The following ILDR1 variants were observed in gnomAD, a reference collection of about 807,000 sequenced individuals.
ILDR1 encodes the protein immunoglobulin-like domain-containing receptor 1.
A neutral mutation model predicts 62.4 loss-of-function variants in ILDR1; 56 were observed. The observed-to-expected ratio is 0.90, with a 90% CI of 0.72 to 1.12. ILDR1 has a LOEUF of 1.12. Among genes scored for constraint, ILDR1 ranks in the 50% most tolerant of loss-of-function variants. The pLI is 0.00. For missense variants in ILDR1, 736 were observed against 710.6 expected, an observed-to-expected ratio of 1.04 and a Z score of -0.41; for synonymous variants, 284 against 277.8, an observed-to-expected ratio of 1.02 and a Z score of -0.22.
the ILDR1 span, among the ~76,000 whole-genome samples, chr3:122,059,129 C>T: frequency 6.6e-6 from 1 of 152,012 alleles, no homozygotes; most frequent in Admixed American, 6.6e-5. Flanking sequence ...GATGTCCAAG[C>T]AGACAAGTAG....
chr3:122,042,885 A>G, the ILDR1 span, among the ~76,000 whole-genome samples: 19 of 151,630 alleles, frequency 1.3e-4, no homozygotes, highest in Non-Finnish European at 2.5e-4. Context: ...CTCTGATGGT[A>G]TTTTCTTTTG....
rs759223170 is a variant in ILDR1, at chr3:121,988,197, T to C, written c.*170A>G. 1.5e-5 allele frequency: 10 copies of C among 689,650 alleles called. No individual in the cohort carries two copies. The East Asian group carries it at 2.5e-4, about 17-fold the overall frequency. 42.7% of individuals were successfully genotyped at this position (689,650 alleles called of 1,614,324 possible). ...CTGTGATTACAGGTGTGAGCCACTA[T>C]ACCCAATCTCAAACTCTTGTATTTA... On this transcript the variant is annotated 3_prime_UTR_variant, in exon 8 of 8. Coordinates refer to ENST00000344209, the MANE Select transcript of ILDR1 (RefSeq NM_001199799.2).
At chr3:122,004,809 G>A (rs553800708) in intron 3 of ILDR1, among the ~76,000 whole-genome samples, 1 of 152,248 alleles carries the variant, frequency 6.6e-6, no homozygotes, top group African/African-American at 2.4e-5. Flanking sequence ...GAGGACAGTG[G>A]TCTCAAGGTG....
chr3:122,005,426 C>T (rs767855506), intron 2 of ILDR1, 33 bp from the exon 3 acceptor site: 1 of 1,612,722 alleles, frequency 6.2e-7, no homozygotes, highest in Admixed American at 1.7e-5. Context: ...AGTCACACAG[C>T]AATAGGGGGT....
chr3:122,058,929 G>T, the ILDR1 span, among the ~76,000 whole-genome samples: 82 of 152,182 alleles, frequency 5.4e-4, no homozygotes, highest in Non-Finnish European at 9.4e-4. Flanking sequence ...CACCAGAATT[G>T]ACAGAATTTG....
At chr3:122,019,052 G>A (rs72965406) in intron 1 of ILDR1, among the ~76,000 whole-genome samples, 5,036 of 151,386 alleles carry the variant, frequency 0.033, 264 homozygotes, top group African/African-American at 0.12. Flanking sequence ...ACACCACACT[G>A]TGATGTTAAA....
At position 122,001,288 on chromosome 3, in the gene ILDR1, G is replaced by T; in HGVS notation, c.646+20C>A. 1.2e-6 allele frequency: 2 copies of T among 1,614,016 alleles called. No individual in the cohort carries two copies. The highest frequency in any genetic ancestry group is 1.7e-6 in the Non-Finnish European group (2 of 1,179,960). On this transcript the variant is annotated intron_variant, in intron 5 of 7. Transcript: ENST00000344209. The stretch of plus-strand genomic sequence containing the variant: ...GGTCCCTAATCCACTCCATTCCACT[G>T]CTTGTCTGTCCCCTCTCACCTTCCT...
the ILDR1 span, among the ~76,000 whole-genome samples, chr3:122,041,617 T>C: frequency 6.6e-6 from 1 of 152,198 alleles, no homozygotes; most frequent in African/African-American, 2.4e-5. Flanking sequence ...ATATAGGTCT[T>C]TTACCTTTTT....
intron 7 of ILDR1, among the ~76,000 whole-genome samples, chr3:121,991,094 C>G (rs145120814): frequency 2.2e-4 from 34 of 152,078 alleles, no homozygotes; most frequent in African/African-American, 7.7e-4. Context: ...CAGCTAATCA[C>G]GAGGCTGAGG....
the ILDR1 span, among the ~76,000 whole-genome samples, chr3:122,046,959 T>C: frequency 6.9e-6 from 1 of 144,568 alleles, no homozygotes; most frequent in Admixed American, 6.9e-5. Flanking sequence ...CCGTTGCTGG[T>C]GAGGAACTGC....
chr3:122,028,617 A>C, the ILDR1 span, among the ~76,000 whole-genome samples: 1 of 152,246 alleles, frequency 6.6e-6, no homozygotes, highest in Non-Finnish European at 1.5e-5. Context: ...CCCTCTGCTA[A>C]GGCAGATAAA....
the ILDR1 span, among the ~76,000 whole-genome samples, chr3:122,051,662 G>A: frequency 2.0e-5 from 3 of 151,628 alleles, no homozygotes; most frequent in Non-Finnish European, 2.9e-5. Flanking sequence ...ACCATTTCCC[G>A]TTTCTTCATA....
chr3:122,030,142 T>C, the ILDR1 span, among the ~76,000 whole-genome samples: 1 of 152,224 alleles, frequency 6.6e-6, no homozygotes, highest in Non-Finnish European at 1.5e-5. Flanking sequence ...CAAGGAACTT[T>C]AATTGCACTT....
chr3:122,013,651 C>G (rs368057715), intron 1 of ILDR1, among the ~76,000 whole-genome samples: 1 of 151,876 alleles, frequency 6.6e-6, no homozygotes, highest in African/African-American at 2.4e-5. Context: ...CAAGAAGGAG[C>G]AAGACAAGAA....
chr3:122,007,128 G>C lies in ILDR1; in HGVS notation c.92C>G (p.Thr31Arg). Residue 31 changes from threonine (T) to arginine (R), a missense_variant, in exon 2 of 8, where the codon ACA (threonine) becomes AGA (arginine). Physicochemically the swap from Thr to Arg is moderately conservative, Grantham distance 71 (BLOSUM62 -1). Coordinates refer to ENST00000344209, the MANE Select transcript of ILDR1 (RefSeq NM_001199799.2). ...GGCAAACAGGGTGACATAGCGTTCT[G>C]TGTGCTGGACCGTCACAAGCAAGGA... is the stretch of plus-strand genomic sequence containing the variant. ...CLSLLVTVQH[T>R]ERYVTLFASI... is the part of the protein sequence containing the mutation. The C allele has an allele frequency of 6.2e-7, 1 of 1,614,222 alleles. No individual in the cohort carries two copies. The highest frequency in any genetic ancestry group is 1.1e-5 in the South Asian group (1 of 91,082).
the ILDR1 span, among the ~76,000 whole-genome samples, chr3:122,059,896 C>T: frequency 2.0e-5 from 3 of 152,144 alleles, no homozygotes; most frequent in African/African-American, 4.8e-5. Context: ...AGGGCGAAGA[C>T]GGCCATCCAC....
intron 1 of ILDR1, 42 bp from the exon 2 acceptor site, chr3:122,007,203 C>T (rs1362983145): frequency 5.6e-6 from 9 of 1,613,686 alleles, no homozygotes; most frequent in Non-Finnish European, 6.8e-6. Flanking sequence ...GTGACCTACT[C>T]TGCTCATGGG....
At chr3:122,031,590 G>T in the ILDR1 span, among the ~76,000 whole-genome samples, 1 of 152,180 alleles carries the variant, frequency 6.6e-6, no homozygotes, top group Admixed American at 6.5e-5. Flanking sequence ...AGGTCATGAG[G>T]TTGGAGCCCT....
chr3:121,995,745 C>A (rs553126775), intron 5 of ILDR1, among the ~76,000 whole-genome samples: 51 of 152,302 alleles, frequency 3.3e-4, no homozygotes, highest in African/African-American at 1.0e-3. Flanking sequence ...ACCACCAACA[C>A]ACATACTGGA....
Sources: allele counts gnomAD v4.1 joint callset (sites outside exome capture counted in the v4.1 genomes callset), GRCh38; gene constraint gnomAD v4.1.1; transcripts MANE v1.5; gene names NCBI Gene and HGNC (gene_info 2026-07-23, HGNC 2026-07-21).